Variants in WDR70 observed in about 807,000 individuals in gnomAD.
WDR70 encodes WD repeat-containing protein 70.
A neutral mutation model predicts 88.6 loss-of-function variants in WDR70; 53 were observed. The observed-to-expected ratio is 0.60, with a 90% CI of 0.48 to 0.75. WDR70 has a LOEUF of 0.75. Among genes scored for constraint, WDR70 ranks in the 30% least tolerant of loss-of-function variants. The probability of loss-of-function intolerance (pLI) is 0.00; values close to 1 mark genes in which losing one functional copy is unlikely to be tolerated. For synonymous variants in WDR70, 280 were observed against 270.0 expected, an observed-to-expected ratio of 1.04 and a Z score of -0.36; for missense variants, 610 against 823.2, an observed-to-expected ratio of 0.74 and a Z score of 3.17.
At chr5:37,482,199 C>T (rs1739694009) in intron 8 of WDR70, among the ~76,000 whole-genome samples, 1 of 152,188 alleles carries the variant, frequency 6.6e-6, no homozygotes, top group Non-Finnish European at 1.5e-5. Flanking sequence ...CTCCCTGTTA[C>T]CCAGTTCCAA....
intron 8 of WDR70, among the ~76,000 whole-genome samples, chr5:37,495,195 C>A (rs1740177107): frequency 6.6e-6 from 1 of 152,134 alleles, no homozygotes; most frequent in South Asian, 2.1e-4. Context: ...TTTGATAATT[C>A]CTGAAAGGTG....
chr5:37,548,448 T>C (rs1441952140), intron 9 of WDR70, among the ~76,000 whole-genome samples: 1 of 152,198 alleles, frequency 6.6e-6, no homozygotes, highest in African/African-American at 2.4e-5. Context: ...TTTTGAGAAA[T>C]GTCTACTCAG....
At chr5:37,576,737 G>T (rs1743065784) in intron 9 of WDR70, among the ~76,000 whole-genome samples, 1 of 149,210 alleles carries the variant, frequency 6.7e-6, no homozygotes, top group Non-Finnish European at 1.5e-5. Flanking sequence ...AAGGTCCTTA[G>T]GTGCTGTACC....
intron 9 of WDR70, among the ~76,000 whole-genome samples, chr5:37,582,603 C>T (rs548521345): frequency 4.3e-4 from 65 of 152,360 alleles, no homozygotes; most frequent in African/African-American, 1.5e-3. Flanking sequence ...TATATAACTT[C>T]TCACATCATC....
chr5:37,613,582 G>T (rs1204176255), intron 10 of WDR70, among the ~76,000 whole-genome samples: 1 of 152,152 alleles, frequency 6.6e-6, no homozygotes, highest in African/African-American at 2.4e-5. Context: ...TACTTTTAAA[G>T]GGGGCCTAAT....
intron 5 of WDR70, among the ~76,000 whole-genome samples, chr5:37,422,322 C>T (rs1052698930): frequency 6.9e-5 from 10 of 144,944 alleles, no homozygotes; most frequent in African/African-American, 2.3e-4. Context: ...CAGAGTCTCA[C>T]TCTGTCGCCC....
chr5:37,437,310 A>G (rs1261563302), intron 5 of WDR70, among the ~76,000 whole-genome samples: 1 of 152,168 alleles, frequency 6.6e-6, no homozygotes, highest in Non-Finnish European at 1.5e-5. Flanking sequence ...GTATATAGTT[A>G]CCCTGTGAAG....
chr5:37,539,339 G>T (rs953323095), intron 9 of WDR70, among the ~76,000 whole-genome samples: 2 of 152,106 alleles, frequency 1.3e-5, no homozygotes, highest in African/African-American at 4.8e-5. Context: ...AGAGTATGAG[G>T]CTATGAATGT....
chr5:37,533,170 G>A (rs971088735), intron 9 of WDR70, among the ~76,000 whole-genome samples: 2 of 152,188 alleles, frequency 1.3e-5, no homozygotes, highest in Admixed American at 6.5e-5. Context: ...AGGTAGCAGG[G>A]GAGTGAAGTG....
chr5:37,408,784 T>G (rs925098857), intron 5 of WDR70, among the ~76,000 whole-genome samples: 1 of 152,118 alleles, frequency 6.6e-6, no homozygotes, highest in African/African-American at 2.4e-5. Flanking sequence ...GTATTATATA[T>G]AATATATATA....
chr5:37,506,518 T>C (rs1329596081), intron 8 of WDR70: 4 of 769,982 alleles, frequency 5.2e-6, no homozygotes, highest in African/African-American at 5.1e-5. Context: ...GCCAGCATAC[T>C]GTCAGGTTCT....
intron 9 of WDR70, among the ~76,000 whole-genome samples, chr5:37,547,134 T>C (rs1742022661): frequency 6.6e-6 from 1 of 152,216 alleles, no homozygotes; most frequent in Non-Finnish European, 1.5e-5. Flanking sequence ...TAAATAAATC[T>C]GTTCATGTAT....
intron 9 of WDR70, among the ~76,000 whole-genome samples, chr5:37,569,292 T>C (rs1488839374): frequency 6.6e-6 from 1 of 152,196 alleles, no homozygotes; most frequent in Non-Finnish European, 1.5e-5. Flanking sequence ...GGTCTTAGAA[T>C]GTGTGTCCTT....
intron 7 of WDR70, among the ~76,000 whole-genome samples, chr5:37,475,208 C>A (rs62358979): frequency 6.6e-6 from 1 of 151,032 alleles, no homozygotes; most frequent in Admixed American, 6.6e-5. Context: ...GTGTGAGCCA[C>A]GGTACCCATC....
chr5:37,602,718 C>A (rs1465602044), intron 9 of WDR70, among the ~76,000 whole-genome samples: 1 of 151,946 alleles, frequency 6.6e-6, no homozygotes, highest in African/African-American at 2.4e-5. Context: ...GTGGCTCATG[C>A]CTGTAATCCC....
intron 9 of WDR70, among the ~76,000 whole-genome samples, chr5:37,573,414 T>C (rs1742966803): frequency 6.6e-6 from 1 of 152,148 alleles, no homozygotes; most frequent in Admixed American, 6.5e-5. Flanking sequence ...TGTTTTAGGG[T>C]ACATGTGCAC....
intron 8 of WDR70, among the ~76,000 whole-genome samples, chr5:37,496,044 C>T (rs779437365): frequency 3.9e-5 from 6 of 152,146 alleles, no homozygotes; most frequent in African/African-American, 9.7e-5. Context: ...CTTTCTGGGT[C>T]GGGTGGGGAC....
At chr5:37,610,018 C>T (rs893736058) in intron 10 of WDR70, among the ~76,000 whole-genome samples, 3 of 152,136 alleles carry the variant, frequency 2.0e-5, no homozygotes, top group South Asian at 2.1e-4. Flanking sequence ...AGATTGGGCA[C>T]GGTGGCCCAT....
intron 9 of WDR70, among the ~76,000 whole-genome samples, chr5:37,568,830 A>C (rs1238950547): frequency 6.6e-6 from 1 of 152,146 alleles, no homozygotes; most frequent in African/African-American, 2.4e-5. Context: ...TTACTTCTTG[A>C]ATCTGGACTG....
Sources: allele counts gnomAD v4.1 joint callset (sites outside exome capture counted in the v4.1 genomes callset), GRCh38; gene constraint gnomAD v4.1.1; transcripts MANE v1.5; gene names NCBI Gene and HGNC (gene_info 2026-07-23, HGNC 2026-07-21).